TRIP6: variants seen among roughly 807,000 people sequenced by gnomAD.
The protein encoded by TRIP6 is thyroid receptor-interacting protein 6.
Under a neutral mutation model 51.9 loss-of-function variants are expected in TRIP6, and 33 were observed. That is an observed-to-expected ratio of 0.64 (90% CI 0.48 to 0.85). TRIP6 has a LOEUF of 0.85. TRIP6 is among the 40% of genes least tolerant of loss of function. The pLI, the probability that TRIP6 is intolerant of heterozygous loss-of-function variation, is 0.00. For missense variants in TRIP6, 661 were observed against 652.1 expected (o/e 1.01, Z -0.15); for synonymous variants, 255 against 275.8 (o/e 0.92, Z 0.75).
In TRIP6 at chr7:100,867,568, C is replaced by T. The variant is rs1321223663; in HGVS notation, c.71C>T (p.Pro24Leu). 1.9e-6 allele frequency: 3 copies of T among 1,539,758 alleles called. No homozygotes were observed. Among genetic ancestry groups the T allele is most frequent in the African/African-American group, 2.7e-5 (2 of 72,822 alleles). ...AGAGCCCCTCAGGGGAGGGCGATCC[C>T]CCGCGGCACCCCGGGGCCACCACCG... ...PARAPQGRAI[P>L]RGTPGPPPAH... is the part of the protein sequence containing the mutation. The change falls in exon 1 of 9, where the codon CCC becomes CTC. Residue 24 changes from proline (P) to leucine (L), a missense_variant. Transcript: ENST00000200457. This position sits in a 1 kb window ranked among gnomAD's most constrained non-coding sequence, Gnocchi z 5.4.
Position 100,867,572 on chromosome 7 carries a change from C to T in TRIP6, c.75C>T (p.Arg25=), listed in dbSNP as rs981350477. The T allele has an allele frequency of 2.1e-5, 33 of 1,539,762 alleles. No homozygotes were observed. In the East Asian group the frequency reaches 5.4e-4, roughly 25 times the overall value. ...CCCCTCAGGGGAGGGCGATCCCCCG[C>T]GGCACCCCGGGGCCACCACCGGCCC... ...ARAPQGRAIP[R]GTPGPPPAHG... is the part of the protein sequence containing the mutation. Residue 25 remains arginine, a synonymous_variant, in exon 1 of 9, where the codon CGC becomes CGT. Transcript: ENST00000200457. The surrounding 1 kb of genome is among the most constrained non-coding windows in gnomAD (Gnocchi z 5.4).
rs552281766 is a variant in TRIP6 at position 100,868,687 on chromosome 7, C to T, written c.556C>T (p.Arg186Trp). Reference sequence around the variant, plus strand: ...AGTGAGGGGCTGCGGCCCACCCAGGCGGGGAGCCTCTCAGGCCTCTGGGCC... The same window carrying T: ...AGTGAGGGGCTGCGGCCCACCCAGGTGGGGAGCCTCTCAGGCCTCTGGGCC... ...QPVRGCGPPR[R>W]GASQASGPLP... The change falls in exon 4 of 9, where the codon CGG (arginine) becomes TGG (tryptophan). Residue 186 changes from arginine to tryptophan, a missense_variant. Physicochemically the swap from Arg to Trp is moderately radical, Grantham distance 101 (BLOSUM62 -3). Transcript: ENST00000200457. 2.9e-5 allele frequency: 47 copies of T among 1,600,796 alleles called. No homozygotes were observed. The Admixed American group carries it at 4.3e-4, about 15-fold the overall frequency.
chr7:100,867,775 A>T lies in TRIP6; in HGVS notation c.110-86A>T. On this transcript the variant is annotated intron_variant, in intron 1 of 8. Transcript: ENST00000200457. The surrounding 1 kb of genome is among the most constrained non-coding windows in gnomAD (Gnocchi z 5.4). ...GACCCTAGATTTGGGGGAGGAGGTA[A>T]CGAGAGGCGGAGAGGGTGGCTCCTC... 6.6e-7 allele frequency: 1 copy of T among 1,513,718 alleles called. No homozygotes were observed. Among genetic ancestry groups the T allele is most frequent in the Non-Finnish European group, 8.8e-7 (1 of 1,134,992 alleles). The allele number at this position is 1,513,718 out of a possible 1,614,324, so 93.8% of individuals were successfully genotyped here. A position where few individuals can be genotyped will look rare whatever the true frequency, so the allele number is the denominator to read the frequency against.
intron 4 of TRIP6, among the ~76,000 whole-genome samples, chr7:100,870,105 C>A (rs889523305): frequency 3.3e-5 from 5 of 152,164 alleles, no homozygotes; most frequent in Admixed American, 1.3e-4. Flanking sequence ...GAGCTTGCAA[C>A]CTACATCCTT....
intron 7 of TRIP6, among the ~76,000 whole-genome samples, chr7:100,872,013 G>GTTTTTTTTT (rs71517130): frequency 8.7e-6 from 1 of 115,242 alleles, no homozygotes. Context: ...AGTTTTCTTC[G>GTTTTTTTTT]TTTTTTTTTT....
Position 100,868,926 on chromosome 7 carries a change from G to C in TRIP6, c.735+60G>C, listed in dbSNP as rs558245114. ...AGACAATGGGACACCGACTGGGTGGGGTGGCTGGTGGTGTTTTAGGGGGCT... is the reference window on the plus strand; with the variant it reads ...AGACAATGGGACACCGACTGGGTGGCGTGGCTGGTGGTGTTTTAGGGGGCT... On this transcript the variant is annotated intron_variant, in intron 4 of 8. Transcript: ENST00000200457. 33 of 1,433,286 alleles carry C rather than the reference G, an allele frequency of 2.3e-5. No homozygotes were observed. In the Admixed American group the frequency reaches 9.0e-4, roughly 39 times the overall value. 88.8% of individuals were successfully genotyped at this position (1,433,286 alleles called of 1,614,324 possible). A position where few individuals can be genotyped will look rare whatever the true frequency, so the allele number is the denominator to read the frequency against.
rs749100653 is a variant in TRIP6 at position 100,867,599 on chromosome 7, C to G, written c.102C>G (p.His34Gln). ...GCACCCCGGGGCCACCACCGGCCCA[C>G]GGAGCAGGTAAGGCAGCCCTTGTGA... ...PRGTPGPPPA[H>Q]GAALQPHPRV... Residue 34 changes from histidine to glutamine, a missense_variant, in exon 1 of 9, where the codon CAC becomes CAG. His to Gln is a conservative substitution (Grantham distance 24). Transcript: ENST00000200457. The surrounding 1 kb of genome is among the most constrained non-coding windows in gnomAD (Gnocchi z 5.4). 1.2e-4 allele frequency: 192 copies of G among 1,540,076 alleles called. No individual in the cohort carries two copies. The highest frequency in any genetic ancestry group is 1.6e-4 in the Non-Finnish European group (184 of 1,146,782).
At chr7:100,872,848 CTT>C (rs1312985758) in intron 8 of TRIP6, 104 bp downstream of exon 8, 4 of 1,281,254 alleles carry the variant, frequency 3.1e-6, no homozygotes, top group Non-Finnish European at 4.2e-6. Context: ...CCTGTTGCTT[CTT>C]TCTTTTTTTT....
chr7:100,870,771 G>C (rs760695673), intron 6 of TRIP6, 28 bp downstream of exon 6: 10 of 1,597,118 alleles, frequency 6.3e-6, no homozygotes, highest in South Asian at 3.4e-5. Context: ...GGAGGAGGGA[G>C]TCAGTGGCTG....
rs534043799 is a variant in TRIP6 at position 100,872,708 on chromosome 7, G to A, written c.1263G>A (p.Leu421=). The A allele has an allele frequency of 1.2e-6, 2 of 1,614,140 alleles. No homozygotes were observed. Among genetic ancestry groups the A allele is most frequent in the East Asian group, 4.5e-5 (2 of 44,882 alleles). The part of the protein sequence containing the change: ...GQEETVRIVA[L]DRSFHIGCYK... ...AGGAGACTGTGAGAATTGTTGCTCT[G>A]GATCGAAGTTTTCACATTGGCTGTT... The change falls in exon 8 of 9, where the codon CTG becomes CTA. Residue 421 remains leucine, a synonymous_variant. Coordinates refer to ENST00000200457, the MANE Select transcript of TRIP6 (RefSeq NM_003302.3).
chr7:100,871,652 G>A lies in TRIP6; in HGVS notation c.1109G>A (p.Arg370His), dbSNP rs759146190. Residue 370 changes from arginine to histidine, a missense_variant, in exon 7 of 9, where the codon CGC (arginine) becomes CAC (histidine). Arg to His is a conservative substitution (Grantham distance 29). Transcript: ENST00000200457. Reference sequence around the variant, plus strand: ...TGCTTCACCTGCGTGGTGTGTCACCGCGGCCTCGACGGCATCCCCTTCACA... The same window carrying A: ...TGCTTCACCTGCGTGGTGTGTCACCACGGCCTCGACGGCATCCCCTTCACA... ...PGCFTCVVCH[R>H]GLDGIPFTVD... 3.8e-5 allele frequency: 62 copies of A among 1,613,908 alleles called. 1 individual carries two copies. The Admixed American group carries it at 5.5e-4, about 14-fold the overall frequency.
Position 100,867,838 on chromosome 7 carries a change from T to G in TRIP6, c.110-23T>G. 6.5e-7 allele frequency: 1 copy of G among 1,536,984 alleles called. No individual in the cohort carries two copies. Among genetic ancestry groups the G allele is most frequent in the Admixed American group, 2.2e-5 (1 of 45,300 alleles). On this transcript the variant is annotated intron_variant, in intron 1 of 8. Coordinates refer to ENST00000200457, the MANE Select transcript of TRIP6 (RefSeq NM_003302.3). This position sits in a 1 kb window ranked among gnomAD's most constrained non-coding sequence, Gnocchi z 5.4. ...CTCCTGTCCTCCGCCACCCCACCTT[T>G]GATTTCTCTTCCCTCAACCCAGCAC...
At chr7:100,868,033 A>T (rs1441822924) in intron 2 of TRIP6, 45 bp downstream of exon 2, 8 of 1,536,418 alleles carry the variant, frequency 5.2e-6, no homozygotes, top group Non-Finnish European at 7.0e-6. Context: ...ATCCCCCAGA[A>T]CCGAGTCTGA....
At position 100,867,456 on chromosome 7, in the gene TRIP6, C is replaced by T. The variant is rs73714206; in HGVS notation, c.-42C>T. The T allele has an allele frequency of 9.0e-3, 12,315 of 1,362,672 alleles. 917 individuals carry two copies. The African/African-American group carries it at 0.16, about 18-fold the overall frequency. The allele number at this position is 1,362,672 out of a possible 1,614,324, so 84.4% of individuals were successfully genotyped here. On this transcript the variant is annotated 5_prime_UTR_variant, in exon 1 of 9. Transcript: ENST00000200457. This position sits in a 1 kb window ranked among gnomAD's most constrained non-coding sequence, Gnocchi z 5.4. ...GAAGAGGGGGTGAAGGCCAGAGGCTCGGGGCTTCAAGACCGCTGTCTGGAG... is the reference window on the plus strand; with the variant it reads ...GAAGAGGGGGTGAAGGCCAGAGGCTTGGGGCTTCAAGACCGCTGTCTGGAG...
intron 6 of TRIP6, 141 bp from the exon 7 acceptor site, chr7:100,871,402 C>A: frequency 1.3e-6 from 1 of 787,884 alleles, no homozygotes; most frequent in Non-Finnish European, 2.1e-6. Context: ...CAGATCTGCT[C>A]AAGTCTGCCT....
chr7:100,868,201 C>T lies in TRIP6; in HGVS notation c.331C>T (p.Arg111Trp), dbSNP rs752191994. The stretch of plus-strand genomic sequence containing the variant: ...CACGCTGGCCGAGCTGAATGGGGGT[C>T]GGGGTCATGCGTCACGGCGACCAGA... ...SSTLAELNGG[R>W]GHASRRPDRQ... Residue 111 changes from arginine to tryptophan, a missense_variant, in exon 3 of 9, where the codon CGG becomes TGG. Transcript: ENST00000200457. 38 of 1,609,044 alleles carry T rather than the reference C, an allele frequency of 2.4e-5. No homozygotes were observed. Among genetic ancestry groups the T allele is most frequent in the Admixed American group, 1.4e-4 (8 of 59,114 alleles).
Position 100,868,875 on chromosome 7 carries a change from TG to T in TRIP6, c.735+13del. On this transcript the variant is annotated intron_variant, in intron 4 of 8. Coordinates refer to ENST00000200457, the MANE Select transcript of TRIP6 (RefSeq NM_003302.3). ...GCGAGCACGGGCCCCAGGTGAGCCC[TG>T]GGGAACTGGGATTTCAGGCCCTACA... 4.7e-6 allele frequency: 7 copies of T among 1,491,396 alleles called. No homozygotes were observed. The highest frequency in any genetic ancestry group is 6.2e-6 in the Non-Finnish European group (7 of 1,124,542). The allele number at this position is 1,491,396 out of a possible 1,614,324, so 92.4% of individuals were successfully genotyped here. A position where few individuals can be genotyped will look rare whatever the true frequency, so the allele number is the denominator to read the frequency against.
Position 100,870,416 on chromosome 7 carries a change from A to G in TRIP6, c.782A>G (p.Lys261Arg). The part of the protein sequence containing the change: ...PPEDELDRLT[K>R]KLVHDMNHPP... The stretch of plus-strand genomic sequence containing the variant: ...GAGGATGAGCTGGATAGGCTGACGA[A>G]GAAGCTGGTTCACGACATGAACCAC... Residue 261 changes from lysine (K) to arginine (R), a missense_variant, in exon 5 of 9, where the codon AAG becomes AGG. By Grantham distance (26) the Lys-to-Arg change is conservative. Coordinates refer to ENST00000200457, the MANE Select transcript of TRIP6 (RefSeq NM_003302.3). 1 of 1,612,214 alleles carries G rather than the reference A, an allele frequency of 6.2e-7. No homozygotes were observed. Among genetic ancestry groups the G allele is most frequent in the Non-Finnish European group, 8.5e-7 (1 of 1,179,628 alleles).
chr7:100,873,035 G>C (rs1384842047), intron 8 of TRIP6, 137 bp from the exon 9 acceptor site: 1 of 1,286,964 alleles, frequency 7.8e-7, no homozygotes, highest in Non-Finnish European at 1.0e-6. Flanking sequence ...ATTTTTAGTA[G>C]AGACAGGGTT....
Sources: allele counts gnomAD v4.1 joint callset (sites outside exome capture counted in the v4.1 genomes callset), GRCh38; gene constraint gnomAD v4.1.1; non-coding constraint Gnocchi (gnomAD v3.1); transcripts MANE v1.5; gene names NCBI Gene and HGNC (gene_info 2026-07-23, HGNC 2026-07-21).